Variants in TMEM123 observed in about 807,000 individuals in gnomAD.
TMEM123 encodes the protein porimin.
Under a neutral mutation model 19.7 loss-of-function variants are expected in TMEM123, and 16 were observed. That is an observed-to-expected ratio of 0.81 (90% CI 0.55 to 1.23). TMEM123 has a LOEUF of 1.23. Among genes scored for constraint, TMEM123 ranks in the 50% most tolerant of loss-of-function variants. The pLI is 0.00. For missense variants in TMEM123, 313 were observed against 257.8 expected, an observed-to-expected ratio of 1.21 and a Z score of -1.47; for synonymous variants, 118 against 99.4, an observed-to-expected ratio of 1.19 and a Z score of -1.12.
In TMEM123 at chr11:102,420,908, G is replaced by A. The variant is rs535574293; in HGVS notation, c.158-18702C>T. Among the ~76,000 whole-genome samples, 5 of 152,214 alleles carry A rather than the reference G, an allele frequency of 3.3e-5. No individual in the cohort carries two copies. In the South Asian group the frequency reaches 8.3e-4, roughly 25 times the overall value. On this transcript the variant is annotated intron_variant, in intron 2 of 4. Coordinates refer to ENST00000398136, the MANE Select transcript of TMEM123 (RefSeq NM_052932.3). The stretch of plus-strand genomic sequence containing the variant: ...GCAAAAATACAAAAATTACCCAGGT[G>A]GGGTGGTGCATGCCTGTGATCCCAG...
chr11:102,431,379 C>T (rs963257768), intron 2 of TMEM123, among the ~76,000 whole-genome samples: 2 of 152,138 alleles, frequency 1.3e-5, no homozygotes, highest in African/African-American at 4.8e-5. Flanking sequence ...TATCCATCAC[C>T]TCAAATACTT....
In TMEM123 at chr11:102,448,879, A is replaced by G; in HGVS notation, c.101-11T>C. On this transcript the variant is annotated splice_polypyrimidine_tract_variant and intron_variant, in intron 1 of 4. Coordinates refer to ENST00000398136, the MANE Select transcript of TMEM123 (RefSeq NM_052932.3). ...CTATGTTTGCAGATGCTGTAAAAAT[A>G]AAGAAATATCCTGTTATGAAAGAAC... 2 of 1,613,114 alleles carry G rather than the reference A, an allele frequency of 1.2e-6. No homozygotes were observed. Among genetic ancestry groups the G allele is most frequent in the African/African-American group, 1.3e-5 (1 of 75,024 alleles).
At chr11:102,433,126 A>G (rs1857729051) in intron 2 of TMEM123, among the ~76,000 whole-genome samples, 1 of 151,976 alleles carries the variant, frequency 6.6e-6, no homozygotes, top group African/African-American at 2.4e-5. Flanking sequence ...GGCACTGCCT[A>G]GTGGAGCTGT....
chr11:102,425,142 G>C (rs997004948), intron 2 of TMEM123, among the ~76,000 whole-genome samples: 1 of 152,178 alleles, frequency 6.6e-6, no homozygotes, highest in African/African-American at 2.4e-5. Flanking sequence ...AAGAAACAGA[G>C]GCTTTTACGC....
chr11:102,427,904 A>G (rs548741664), intron 2 of TMEM123, among the ~76,000 whole-genome samples: 22 of 152,234 alleles, frequency 1.4e-4, no homozygotes, highest in Non-Finnish European at 2.5e-4. Context: ...TTCATTTAGG[A>G]AGACAAAGAA....
chr11:102,409,908 AAAATC>A (rs1160132734), intron 2 of TMEM123, among the ~76,000 whole-genome samples: 3 of 152,108 alleles, frequency 2.0e-5, no homozygotes, highest in Non-Finnish European at 2.9e-5. Flanking sequence ...AAAAAAAAAA[AAAATC>A]TAAGAGAAAA....
chr11:102,413,302 C>T (rs998419863), intron 2 of TMEM123, among the ~76,000 whole-genome samples: 1 of 152,126 alleles, frequency 6.6e-6, no homozygotes, highest in African/African-American at 2.4e-5. Flanking sequence ...GAAAAACTTG[C>T]TCTGTCAAAA....
At chr11:102,437,835 A>C (rs560661701) in intron 2 of TMEM123, among the ~76,000 whole-genome samples, 3 of 152,060 alleles carry the variant, frequency 2.0e-5, no homozygotes, top group Non-Finnish European at 1.5e-5. Flanking sequence ...TCTTTTATTG[A>C]AATACATGTT....
At chr11:102,399,774 A>T (rs1316095555) in intron 4 of TMEM123, among the ~76,000 whole-genome samples, 1 of 152,240 alleles carries the variant, frequency 6.6e-6, no homozygotes, top group African/African-American at 2.4e-5. Flanking sequence ...GTTTGAGACC[A>T]GCCTGGCCAA....
chr11:102,430,322 C>G (rs1005320122), intron 2 of TMEM123, among the ~76,000 whole-genome samples: 3 of 152,222 alleles, frequency 2.0e-5, no homozygotes, highest in African/African-American at 7.2e-5. Flanking sequence ...AAAAACAGCA[C>G]TGGGTGCTGG....
chr11:102,443,427 C>G (rs1191810026), intron 2 of TMEM123, among the ~76,000 whole-genome samples: 1 of 152,010 alleles, frequency 6.6e-6, no homozygotes, highest in Non-Finnish European at 1.5e-5. Flanking sequence ...ACAAACCTGA[C>G]AAAAACAAGA....
chr11:102,443,101 C>T (rs1279181469), intron 2 of TMEM123, among the ~76,000 whole-genome samples: 1 of 151,920 alleles, frequency 6.6e-6, no homozygotes, highest in Admixed American at 6.6e-5. Context: ...GAATCAATAT[C>T]GTGAAAATGG....
At chr11:102,425,697 C>T (rs1952121055) in intron 2 of TMEM123, among the ~76,000 whole-genome samples, 2 of 151,546 alleles carry the variant, frequency 1.3e-5, no homozygotes, top group African/African-American at 2.4e-5. Flanking sequence ...GATCCTCCCA[C>T]TTCACCCACC....
rs1951856899 is a variant in TMEM123, at chr11:102,396,504, T to A, written c.*2363A>T. 1 of 152,200 alleles carries A rather than the reference T, an allele frequency of 6.6e-6. No homozygotes were observed. Among genetic ancestry groups the A allele is most frequent in the African/African-American group, 2.4e-5 (1 of 41,458 alleles). 9.4% of individuals were successfully genotyped at this position (152,200 alleles called of 1,614,324 possible). ...GTTTATCTGTATTTGAATTATTCCTTTCATGGATTATTCAAGGAAATTTTA... is the reference window on the plus strand; with the variant it reads ...GTTTATCTGTATTTGAATTATTCCTATCATGGATTATTCAAGGAAATTTTA... On this transcript the variant is annotated 3_prime_UTR_variant, in exon 5 of 5. Transcript: ENST00000398136.
At chr11:102,420,531 A>G (rs1254727302) in intron 2 of TMEM123, among the ~76,000 whole-genome samples, 1 of 152,176 alleles carries the variant, frequency 6.6e-6, no homozygotes, top group African/African-American at 2.4e-5. Context: ...TCCCCATTTT[A>G]CAGATGAAAC....
At chr11:102,411,853 A>C (rs1952007983) in intron 2 of TMEM123, among the ~76,000 whole-genome samples, 1 of 152,210 alleles carries the variant, frequency 6.6e-6, no homozygotes, top group African/African-American at 2.4e-5. Flanking sequence ...AAACGTGTGC[A>C]AGTGCCTAGC....
intron 2 of TMEM123, among the ~76,000 whole-genome samples, chr11:102,430,650 G>GT (rs1555056662): frequency 1.3e-5 from 2 of 152,210 alleles, no homozygotes; most frequent in Non-Finnish European, 2.9e-5. Flanking sequence ...AACCAAAAAG[G>GT]TAAGTGTGGC....
chr11:102,433,890 C>T (rs890890373), intron 2 of TMEM123, among the ~76,000 whole-genome samples: 5 of 151,734 alleles, frequency 3.3e-5, no homozygotes, highest in African/African-American at 1.2e-4. Flanking sequence ...GAAGAGGTGC[C>T]TTCTGCCATG....
intron 2 of TMEM123, among the ~76,000 whole-genome samples, chr11:102,446,996 A>T (rs2135866797): frequency 6.6e-6 from 1 of 152,384 alleles, no homozygotes; most frequent in South Asian, 2.1e-4. Context: ...AAAAACAGTT[A>T]AGCATCCATC....
Sources: gnomAD v4.1 joint callset for allele counts (sites outside exome capture counted in the v4.1 genomes callset) on GRCh38, gnomAD v4.1.1 for gene constraint, MANE v1.5 for transcripts, NCBI Gene and HGNC (gene_info 2026-07-23, HGNC 2026-07-21) for gene names.